CIITA: variants seen among roughly 807,000 people sequenced by gnomAD.
The protein encoded by CIITA is MHC class II transactivator.
A neutral mutation model predicts 115.1 loss-of-function variants in CIITA; 72 were observed. That is an observed-to-expected ratio of 0.63 (90% CI 0.52 to 0.76). CIITA has a LOEUF of 0.76. CIITA is among the 30% of genes least tolerant of loss of function. The probability of loss-of-function intolerance (pLI) is 0.00; values close to 1 mark genes in which losing one functional copy is unlikely to be tolerated. For synonymous variants in CIITA, 763 were observed against 635.6 expected, an observed-to-expected ratio of 1.20 and a Z score of -3.02; for missense variants, 1,617 against 1,463.8, an observed-to-expected ratio of 1.10 and a Z score of -1.71.
In CIITA at chr16:10,906,599, G is replaced by T. The variant is rs556203901; in HGVS notation, c.1107G>T (p.Arg369Ser). 6.2e-6 allele frequency: 10 copies of T among 1,613,770 alleles called. No homozygotes were observed. The highest frequency in any genetic ancestry group is 1.3e-5 in the African/African-American group (1 of 75,056). The stretch of plus-strand genomic sequence containing the variant: ...TGGAGGTGGATCTGGTGCAGGCCAG[G>T]CTGGAGAGGAGCAGCAGCAAGAGCC... The part of the protein sequence containing the change: ...ILVEVDLVQA[R>S]LERSSSKSLE... The change falls in exon 11 of 20, where the codon AGG (arginine) becomes AGT (serine). Residue 369 changes from arginine to serine, a missense_variant. Arg to Ser is a moderately radical substitution (Grantham distance 110, BLOSUM62 -1). Coordinates refer to ENST00000324288, the MANE Select transcript of CIITA (RefSeq NM_000246.4).
intron 1 of CIITA, among the ~76,000 whole-genome samples, chr16:10,891,767 C>T (rs2037606334): frequency 6.6e-6 from 1 of 152,166 alleles, no homozygotes; most frequent in Non-Finnish European, 1.5e-5. Flanking sequence ...AGCATCTCAC[C>T]CCCAACCATC....
At chr16:10,910,716 T>C (rs1188104935) in intron 13 of CIITA, among the ~76,000 whole-genome samples, 1 of 152,190 alleles carries the variant, frequency 6.6e-6, no homozygotes, top group Non-Finnish European at 1.5e-5. Flanking sequence ...AAAGGCCCAA[T>C]GTGTCCCCAA....
In CIITA at chr16:10,918,541, G is replaced by A. The variant is rs376136968; in HGVS notation, c.3149+15G>A. ...CTCAGGCTAAGGTGAGTGGGGCCCC[G>A]GATACCGGTCAGGTGCTGAGCTGGG... On this transcript the variant is annotated intron_variant, in intron 16 of 19. Coordinates refer to ENST00000324288, the MANE Select transcript of CIITA (RefSeq NM_000246.4). 4.3e-6 allele frequency: 7 copies of A among 1,612,410 alleles called. No individual in the cohort carries two copies. In the African/African-American group the frequency reaches 5.3e-5, roughly 12 times the overall value.
intron 1 of CIITA, among the ~76,000 whole-genome samples, chr16:10,882,143 G>C (rs1178872671): frequency 6.6e-6 from 1 of 152,176 alleles, no homozygotes; most frequent in Non-Finnish European, 1.5e-5. Flanking sequence ...ACAAATATCT[G>C]TCTGACTCCC....
Position 10,907,518 on chromosome 16 carries a change from C to G in CIITA, c.2026C>G (p.Gln676Glu), listed in dbSNP as rs901844850. The G allele has an allele frequency of 4.3e-6, 7 of 1,614,012 alleles. No individual in the cohort carries two copies. The highest frequency in any genetic ancestry group is 5.9e-6 in the Non-Finnish European group (7 of 1,180,046). ...ELGRRHQSTL[Q>E]EDQFPSADVR... is the part of the protein sequence containing the mutation. ...GGGCCGCAGACATCAAAGTACCCTA[C>G]AGGAGGACCAGTTCCCATCCGCAGA... The change falls in exon 11 of 20, where the codon CAG (glutamine) becomes GAG (glutamate). Residue 676 changes from glutamine (Q) to glutamate (E), a missense_variant. Physicochemically the swap from Gln to Glu is conservative, Grantham distance 29. Coordinates refer to ENST00000324288, the MANE Select transcript of CIITA (RefSeq NM_000246.4). This position sits in a 1 kb window ranked among gnomAD's most constrained non-coding sequence, Gnocchi z 5.0.
chr16:10,923,132 G>T lies in CIITA; in HGVS notation c.3318-96G>T, dbSNP rs912015901. 17 of 1,037,914 alleles carry T rather than the reference G, an allele frequency of 1.6e-5. No homozygotes were observed. In the South Asian group the frequency reaches 2.1e-4, roughly 13 times the overall value. The allele number at this position is 1,037,914 out of a possible 1,614,324, so 64.3% of individuals were successfully genotyped here. On this transcript the variant is annotated intron_variant, in intron 18 of 19. Coordinates refer to ENST00000324288, the MANE Select transcript of CIITA (RefSeq NM_000246.4). The surrounding 1 kb of genome is among the most constrained non-coding windows in gnomAD (Gnocchi z 5.2). The stretch of plus-strand genomic sequence containing the variant: ...AGGGGAAAAGTCCCCAACGTTCTAG[G>T]CTGGGTGGAAGGAGGGATTTGGGGG...
chr16:10,909,139 A>G lies in CIITA; in HGVS notation c.2768A>G (p.Lys923Arg). ...TTCACCATCGAGCCTTTCAAAGCCA[A>G]GTCCCTGAAGGATGTGGAAGACCTG... ...EKFTIEPFKA[K>R]SLKDVEDLGK... The change falls in exon 12 of 20, where the codon AAG becomes AGG. Residue 923 changes from lysine to arginine, a missense_variant. Transcript: ENST00000324288. 1 of 1,614,248 alleles carries G rather than the reference A, an allele frequency of 6.2e-7. No homozygotes were observed. The highest frequency in any genetic ancestry group is 8.5e-7 in the Non-Finnish European group (1 of 1,180,052).
At chr16:10,903,458 C>T (rs758003150) in intron 8 of CIITA, among the ~76,000 whole-genome samples, 1 of 152,194 alleles carries the variant, frequency 6.6e-6, no homozygotes, top group African/African-American at 2.4e-5. Context: ...ACTGACCACA[C>T]AGCAGGAAGA....
Position 10,908,117 on chromosome 16 carries a change from C to T in CIITA, c.2625C>T (p.Ser875=), listed in dbSNP as rs775002771. The T allele has an allele frequency of 3.2e-6, 5 of 1,585,652 alleles. No homozygotes were observed. The East Asian group carries it at 6.9e-5, about 22-fold the overall frequency. The change falls in exon 11 of 20, where the codon AGC becomes AGT. Residue 875 remains serine (S), a synonymous_variant. Transcript: ENST00000324288. ...GCATTTGCCCCTCTGGATTGGGGAG[C>T]CTCGTGGGACTCAGCTGTGTCACCC... ...STGICPSGLG[S]LVGLSCVTRF... is the part of the protein sequence containing the mutation.
At chr16:10,867,326 G>T (rs952944722) in intron 1 of CIITA, among the ~76,000 whole-genome samples, 4 of 151,444 alleles carry the variant, frequency 2.6e-5, no homozygotes, top group African/African-American at 9.7e-5. Context: ...TGTGTGTTGG[G>T]GGGGGGCATG....
At position 10,931,596 on chromosome 16, in the gene CIITA, C is replaced by G. The variant is rs1460969003; in HGVS notation, c.*7741C>G. ...AAGTCGCTCACACCTGTAATCCCAA[C>G]ACTTTGGGAGGCTAAGGTGGGTGGA... is the stretch of plus-strand genomic sequence containing the variant. On this transcript the variant is annotated 3_prime_UTR_variant, in exon 20 of 20. Transcript: ENST00000324288. 6.6e-6 allele frequency: 1 copy of G among 152,234 alleles called. No homozygotes were observed. The highest frequency in any genetic ancestry group is 2.4e-5 in the African/African-American group (1 of 41,452). 9.4% of individuals were successfully genotyped at this position (152,234 alleles called of 1,614,324 possible).
chr16:10,893,310 A>G lies in CIITA; in HGVS notation c.53-1972A>G, dbSNP rs572045260. On this transcript the variant is annotated intron_variant, in intron 1 of 19. Coordinates refer to ENST00000324288, the MANE Select transcript of CIITA (RefSeq NM_000246.4). ...GCCCTGGGAAATGAATATACCATGG[A>G]AACATGGACCTGAACCACGGATCCT... 2.0e-5 allele frequency among the ~76,000 whole-genome samples: 3 copies of G among 152,272 alleles called. No individual in the cohort carries two copies. The South Asian group carries it at 6.2e-4, about 32-fold the overall frequency.
intron 5 of CIITA, among the ~76,000 whole-genome samples, chr16:10,899,416 A>C (rs2038481125): frequency 6.6e-6 from 1 of 151,978 alleles, no homozygotes; most frequent in South Asian, 2.1e-4. Context: ...CTAAACTGTC[A>C]CCTCTTCCTG....
Position 10,935,387 on chromosome 16 carries a change from A to T in CIITA, c.*11532A>T, listed in dbSNP as rs1019498449. ...AGTTGTTAATCTCTTTTTAACAAAGAATACAGGCCAAGGCCCTGTGACTTT... is the reference window on the plus strand; with the variant it reads ...AGTTGTTAATCTCTTTTTAACAAAGTATACAGGCCAAGGCCCTGTGACTTT... On this transcript the variant is annotated 3_prime_UTR_variant, in exon 20 of 20. Coordinates refer to ENST00000324288, the MANE Select transcript of CIITA (RefSeq NM_000246.4). 6.6e-6 allele frequency: 1 copy of T among 152,236 alleles called. No individual in the cohort carries two copies. Among genetic ancestry groups the T allele is most frequent in the East Asian group, 1.9e-4 (1 of 5,200 alleles). 9.4% of individuals were successfully genotyped at this position (152,236 alleles called of 1,614,324 possible). A position where few individuals can be genotyped will look rare whatever the true frequency, so the allele number is the denominator to read the frequency against.
chr16:10,928,110 C>CAACTGTCT lies in CIITA; in HGVS notation c.*4256_*4263dup, dbSNP rs1190999582. 1 of 152,188 alleles carries CAACTGTCT rather than the reference C, an allele frequency of 6.6e-6. No homozygotes were observed. The highest frequency in any genetic ancestry group is 1.5e-5 in the Non-Finnish European group (1 of 68,068). The allele number at this position is 152,188 out of a possible 1,614,324, so 9.4% of individuals were successfully genotyped here. Reference sequence around the variant, plus strand: ...CATCACTTGAGGGCAAGTGGTGCTCCAACTGTCTCCCCCCAGAGTTCTGCC... The same window carrying CAACTGTCT: ...CATCACTTGAGGGCAAGTGGTGCTCCAACTGTCTAACTGTCTCCCCCCAGAGTTCTGCC... On this transcript the variant is annotated 3_prime_UTR_variant, in exon 20 of 20. Coordinates refer to ENST00000324288, the MANE Select transcript of CIITA (RefSeq NM_000246.4).
In CIITA at chr16:10,879,199, A is replaced by G. The variant is rs2143542264; in HGVS notation, c.52+1817A>G. On this transcript the variant is annotated intron_variant, in intron 1 of 19. Transcript: ENST00000324288. The surrounding 1 kb of genome is among the most constrained non-coding windows in gnomAD (Gnocchi z 4.3). ...GGCCGGGAAACACCTCGTTTCCAGC[A>G]TCCCCGCAACGACTCTGCGCGGGAA... is the stretch of plus-strand genomic sequence containing the variant. 6.6e-6 allele frequency among the ~76,000 whole-genome samples: 1 copy of G among 152,298 alleles called. No homozygotes were observed. Among genetic ancestry groups the G allele is most frequent in the African/African-American group, 2.4e-5 (1 of 41,554 alleles).
chr16:10,895,566 G>A lies in CIITA; in HGVS notation c.200-103G>A, dbSNP rs893736672. Reference sequence around the variant, plus strand: ...CTCCCACGTCTGTGGGACGCTCTCTGCAGATGGGGATGATCTCCCAGCCCT... The same window carrying A: ...CTCCCACGTCTGTGGGACGCTCTCTACAGATGGGGATGATCTCCCAGCCCT... On this transcript the variant is annotated intron_variant, in intron 2 of 19. Transcript: ENST00000324288. 7 of 1,560,812 alleles carry A rather than the reference G, an allele frequency of 4.5e-6. No individual in the cohort carries two copies. The Admixed American group carries it at 1.2e-4, about 27-fold the overall frequency.
At chr16:10,891,715 A>G (rs1454943335) in intron 1 of CIITA, among the ~76,000 whole-genome samples, 1 of 152,132 alleles carries the variant, frequency 6.6e-6, no homozygotes, top group African/African-American at 2.4e-5. Context: ...GAGAGAACAG[A>G]TTTTGTGCCT....
In CIITA at chr16:10,907,067, C is replaced by G. The variant is rs1401987806; in HGVS notation, c.1575C>G (p.Leu525=). The stretch of plus-strand genomic sequence containing the variant: ...CGGCACCGGCGGAGCCCTGCTCCCT[C>G]CGGGGGCTGCTGGCCGGCCTTTTCC... ...CGPAPAEPCS[L]RGLLAGLFQK... The change falls in exon 11 of 20, where the codon CTC becomes CTG. Residue 525 remains leucine (L), a synonymous_variant. Transcript: ENST00000324288. The surrounding 1 kb of genome is among the most constrained non-coding windows in gnomAD (Gnocchi z 5.0). 1.2e-6 allele frequency: 2 copies of G among 1,607,402 alleles called. No homozygotes were observed. Among genetic ancestry groups the G allele is most frequent in the Admixed American group, 1.7e-5 (1 of 60,016 alleles).
Sources: allele counts gnomAD v4.1 joint callset (sites outside exome capture counted in the v4.1 genomes callset), GRCh38; gene constraint gnomAD v4.1.1; non-coding constraint Gnocchi (gnomAD v3.1); transcripts MANE v1.5; gene names NCBI Gene and HGNC (gene_info 2026-07-23, HGNC 2026-07-21).